The following DDIAS variants were observed in gnomAD, a reference collection of about 807,000 sequenced individuals.
DDIAS encodes DNA damage induced apoptosis suppressor, also known as DNA damage-induced apoptosis suppressor protein.
DDIAS carries 14 observed loss-of-function variants against 15.7 expected under a neutral mutation model. That is an observed-to-expected ratio of 0.89 (90% CI 0.59 to 1.39). DDIAS has a LOEUF of 1.39. Ranked by LOEUF, DDIAS falls within the 40% of genes most tolerant of loss-of-function variation. The probability of loss-of-function intolerance (pLI) is 0.00; values close to 1 mark genes in which losing one functional copy is unlikely to be tolerated. For synonymous variants in DDIAS, 355 were observed against 395.9 expected (o/e 0.90, Z 1.23); for missense variants, 1,035 against 1,130.9 (o/e 0.92, Z 1.22).
rs142206026 is a variant in DDIAS at position 82,923,072 on chromosome 11, A to G, written c.114-5705A>G. Among the ~76,000 whole-genome samples the G allele has an allele frequency of 1.1e-3, 172 of 152,262 alleles. 4 individuals are homozygous for G. The highest frequency in any genetic ancestry group is 2.1e-4 in the Non-Finnish European group (14 of 68,018). ...TATGGGTGTCTCGGCCCTGAATACCACACAGTATTTGGGGTGTCTCCCAGG... is the reference window on the plus strand; with the variant it reads ...TATGGGTGTCTCGGCCCTGAATACCGCACAGTATTTGGGGTGTCTCCCAGG... On this transcript the variant is annotated intron_variant, in intron 3 of 5. Transcript: ENST00000533655.
At chr11:82,923,726 T>C (rs930941091) in intron 3 of DDIAS, among the ~76,000 whole-genome samples, 1 of 152,216 alleles carries the variant, frequency 6.6e-6, no homozygotes, top group Non-Finnish European at 1.5e-5. Flanking sequence ...ACAAGATCTC[T>C]ATTCTCATCC....
Position 82,932,735 on chromosome 11 carries a change from A to G in DDIAS, c.1397A>G (p.Gln466Arg), listed in dbSNP as rs2121373075. 4 of 1,614,102 alleles carry G rather than the reference A, an allele frequency of 2.5e-6. No homozygotes were observed. The highest frequency in any genetic ancestry group is 3.4e-6 in the Non-Finnish European group (4 of 1,180,024). Residue 466 changes from glutamine to arginine, a missense_variant, in exon 6 of 6, where the codon CAG becomes CGG. Coordinates refer to ENST00000533655, the MANE Select transcript of DDIAS (RefSeq NM_145018.4). ...CACAGCAGGTTATCTGTGACTCCCC[A>G]GAGAACTACTGGAGCCCTGCATACA... ...ADHSRLSVTP[Q>R]RTTGALHTPP...
At position 82,933,538 on chromosome 11, in the gene DDIAS, T is replaced by C. The variant is rs199817202; in HGVS notation, c.2200T>C (p.Leu734=). The C allele has an allele frequency of 5.1e-5, 82 of 1,613,984 alleles. No homozygotes were observed. The highest frequency in any genetic ancestry group is 6.3e-5 in the Non-Finnish European group (74 of 1,180,006). ...SEDFIQPSQK[L]SLQSLSDSRH... ...AGACTTCATCCAGCCTTCACAAAAA[T>C]TATCCTTGCAAAGCCTATCTGACTC... Residue 734 remains leucine, a synonymous_variant, in exon 6 of 6, where the codon TTA becomes CTA. Coordinates refer to ENST00000533655, the MANE Select transcript of DDIAS (RefSeq NM_145018.4).
chr11:82,925,375 T>G (rs1860837936), intron 3 of DDIAS, among the ~76,000 whole-genome samples: 1 of 152,026 alleles, frequency 6.6e-6, no homozygotes, highest in South Asian at 2.1e-4. Flanking sequence ...AACAAGAGAA[T>G]CACTTAAGCC....
intron 3 of DDIAS, 88 bp from the exon 4 acceptor site, chr11:82,928,689 T>G: frequency 1.5e-6 from 2 of 1,371,528 alleles, no homozygotes; most frequent in Non-Finnish European, 2.0e-6. Flanking sequence ...ACACAAAATG[T>G]TATTTTAAAT....
chr11:82,933,530 C>T lies in DDIAS; in HGVS notation c.2192C>T (p.Ser731Leu). The T allele has an allele frequency of 1.2e-6, 2 of 1,614,062 alleles. No homozygotes were observed. The highest frequency in any genetic ancestry group is 1.7e-6 in the Non-Finnish European group (2 of 1,179,990). Residue 731 changes from serine (S) to leucine (L), a missense_variant, in exon 6 of 6, where the codon TCA (serine) becomes TTA (leucine). By Grantham distance (145) the Ser-to-Leu change is moderately radical. Coordinates refer to ENST00000533655, the MANE Select transcript of DDIAS (RefSeq NM_145018.4). ...CTTTCTGAAGACTTCATCCAGCCTT[C>T]ACAAAAATTATCCTTGCAAAGCCTA... ...RSLSEDFIQP[S>L]QKLSLQSLSD...
At position 82,934,216 on chromosome 11, in the gene DDIAS, C is replaced by T. The variant is rs1481242762; in HGVS notation, c.2878C>T (p.His960Tyr). The change falls in exon 6 of 6, where the codon CAC (histidine) becomes TAC (tyrosine). Residue 960 changes from histidine (H) to tyrosine (Y), a missense_variant. Transcript: ENST00000533655. Reference protein sequence around the residue: ...DIQVLAAPQLHPILGPDSCSE... With the variant: ...DIQVLAAPQLYPILGPDSCSE... ...TCAAGTCTTAGCAGCACCTCAGCTG[C>T]ACCCTATTCTTGGACCTGATTCTTG... 6.2e-7 allele frequency: 1 copy of T among 1,614,030 alleles called. No homozygotes were observed. Among genetic ancestry groups the T allele is most frequent in the Non-Finnish European group, 8.5e-7 (1 of 1,180,010 alleles).
chr11:82,915,192 G>A (rs1860608197), intron 3 of DDIAS, among the ~76,000 whole-genome samples: 1 of 152,158 alleles, frequency 6.6e-6, no homozygotes, highest in South Asian at 2.1e-4. Context: ...ATTTTTGCAT[G>A]ATCAGTAGAA....
chr11:82,911,983 A>T (rs1286021806), intron 1 of DDIAS, among the ~76,000 whole-genome samples: 1 of 152,210 alleles, frequency 6.6e-6, no homozygotes, highest in Admixed American at 6.5e-5. Flanking sequence ...TTTTCTGAGC[A>T]GTAGGTCTCA....
At position 82,931,688 on chromosome 11, in the gene DDIAS, A is replaced by G. The variant is rs1185588468; in HGVS notation, c.394-44A>G. ...TTCTGTTTCATGTTTAAGTAAATGG[A>G]AGACAATTTTATTCTTACTTAAATT... is the stretch of plus-strand genomic sequence containing the variant. On this transcript the variant is annotated intron_variant, in intron 5 of 5. Transcript: ENST00000533655. The G allele has an allele frequency of 7.3e-6, 11 of 1,505,834 alleles. No individual in the cohort carries two copies. In the Admixed American group the frequency reaches 2.1e-4, roughly 29 times the overall value. The allele number at this position is 1,505,834 out of a possible 1,614,324, so 93.3% of individuals were successfully genotyped here. A position where few individuals can be genotyped will look rare whatever the true frequency, so the allele number is the denominator to read the frequency against.
rs1347705573 is a variant in DDIAS at position 82,933,989 on chromosome 11, G to T, written c.2651G>T (p.Gly884Val). 1 of 1,613,636 alleles carries T rather than the reference G, an allele frequency of 6.2e-7. No homozygotes were observed. Among genetic ancestry groups the T allele is most frequent in the East Asian group, 2.2e-5 (1 of 44,874 alleles). Residue 884 changes from glycine (G) to valine (V), a missense_variant, in exon 6 of 6, where the codon GGT becomes GTT. Transcript: ENST00000533655. ...PSDMLGFQGI[G>V]LGKCLAAYHF... ...GATATGCTTGGATTCCAAGGCATAGGTCTAGGGAAATGCCTTGCTGCCTAT... is the reference window on the plus strand; with the variant it reads ...GATATGCTTGGATTCCAAGGCATAGTTCTAGGGAAATGCCTTGCTGCCTAT...
At chr11:82,918,579 A>G (rs1044787532) in intron 3 of DDIAS, among the ~76,000 whole-genome samples, 4 of 152,188 alleles carry the variant, frequency 2.6e-5, no homozygotes, top group African/African-American at 7.2e-5. Flanking sequence ...TTGGTTCCAT[A>G]TGCATTTTAA....
intron 3 of DDIAS, among the ~76,000 whole-genome samples, chr11:82,926,388 C>T (rs1860863329): frequency 6.6e-6 from 1 of 151,874 alleles, no homozygotes; most frequent in African/African-American, 2.4e-5. Flanking sequence ...CACGCCTGGC[C>T]CAAGTAAATA....
At chr11:82,905,688 T>C (rs1860414896) in intron 1 of DDIAS, among the ~76,000 whole-genome samples, 1 of 152,144 alleles carries the variant, frequency 6.6e-6, no homozygotes, top group South Asian at 2.1e-4. Context: ...TTAATGTCTG[T>C]CTCTTACACT....
At chr11:82,931,586 G>A (rs1321449891) in intron 5 of DDIAS, 146 bp from the exon 6 acceptor site, 1 of 675,638 alleles carries the variant, frequency 1.5e-6, no homozygotes, top group Non-Finnish European at 2.5e-6. Context: ...TCAAACTCTT[G>A]AGGCTCAAGT....
intron 1 of DDIAS, among the ~76,000 whole-genome samples, chr11:82,907,906 A>C (rs1355240919): frequency 6.6e-6 from 1 of 152,216 alleles, no homozygotes; most frequent in East Asian, 1.9e-4. Context: ...CTGGGGTTAC[A>C]GTAGAGAACA....
At chr11:82,930,037 A>T in intron 4 of DDIAS, 120 bp from the exon 5 acceptor site, 1 of 590,846 alleles carries the variant, frequency 1.7e-6, no homozygotes, top group South Asian at 2.4e-5. Flanking sequence ...TCTTAAAGTC[A>T]CTTTTTTTCC....
chr11:82,921,025 C>T (rs1251190737), intron 3 of DDIAS, among the ~76,000 whole-genome samples: 1 of 151,906 alleles, frequency 6.6e-6, no homozygotes, highest in African/African-American at 2.4e-5. Flanking sequence ...TTTCTTAGGT[C>T]TATTAGTAAT....
Position 82,932,163 on chromosome 11 carries a change from G to T in DDIAS, c.825G>T (p.Lys275Asn). ...TTGGTACTCTTCAGCAGAACAGAAA[G>T]TCCATCTCCATTGCAGAGGCCACTG... ...KAFGTLQQNR[K>N]SISIAEATGS... is the part of the protein sequence containing the mutation. The change falls in exon 6 of 6, where the codon AAG (lysine) becomes AAT (asparagine). Residue 275 changes from lysine to asparagine, a missense_variant. Coordinates refer to ENST00000533655, the MANE Select transcript of DDIAS (RefSeq NM_145018.4). The T allele has an allele frequency of 6.2e-7, 1 of 1,614,162 alleles. No homozygotes were observed. Among genetic ancestry groups the T allele is most frequent in the Non-Finnish European group, 8.5e-7 (1 of 1,180,018 alleles).
Sources: gnomAD v4.1 joint callset for allele counts (sites outside exome capture counted in the v4.1 genomes callset) on GRCh38, gnomAD v4.1.1 for gene constraint, MANE v1.5 for transcripts, NCBI Gene and HGNC (gene_info 2026-07-23, HGNC 2026-07-21) for gene names.